The following VIPAS39 variants were observed in gnomAD, a reference collection of about 807,000 sequenced individuals.
VIPAS39 encodes the protein spermatogenesis-defective protein 39 homolog.
A neutral mutation model predicts 84.7 loss-of-function variants in VIPAS39; 63 were observed. The observed-to-expected ratio is 0.74, with a 90% CI of 0.61 to 0.92. The LOEUF is 0.92. Among genes scored for constraint, VIPAS39 ranks in the 40% least tolerant of loss-of-function variants. The pLI is 0.00. For synonymous variants in VIPAS39, 192 were observed against 216.5 expected (o/e 0.89, Z 0.99); for missense variants, 499 against 604.5 (o/e 0.83, Z 1.83).
Position 77,427,338 on chromosome 14 carries a change from C to T in VIPAS39, c.*278G>A. The T allele has an allele frequency of 3.9e-6, 2 of 516,004 alleles. No homozygotes were observed. Among genetic ancestry groups the T allele is most frequent in the Non-Finnish European group, 7.0e-6 (2 of 285,676 alleles). The allele number at this position is 516,004 out of a possible 1,614,324, so 32.0% of individuals were successfully genotyped here. A position where few individuals can be genotyped will look rare whatever the true frequency, so the allele number is the denominator to read the frequency against. On this transcript the variant is annotated 3_prime_UTR_variant, in exon 20 of 20. Coordinates refer to ENST00000557658, the MANE Select transcript of VIPAS39 (RefSeq NM_001193315.2). ...TTTTCTCAGACCAAGTGAGATCTTA[C>T]CCAGTAGGGGCCCAATCTAGAAATC...
At chr14:77,455,528 CA>C (rs1275925756) in intron 1 of VIPAS39, among the ~76,000 whole-genome samples, 3 of 152,110 alleles carry the variant, frequency 2.0e-5, no homozygotes, top group Non-Finnish European at 4.4e-5. Flanking sequence ...CTATCAATGC[CA>C]ACAGGATTAG....
rs1250120222 is a variant in VIPAS39, at chr14:77,437,140, A to G, written c.836+668T>C. On this transcript the variant is annotated intron_variant, in intron 12 of 19. Transcript: ENST00000557658. ...AATCATGTCACATGAGGAATGGTTGAAACAACCATGAGTACTGAACCTGAA... is the reference window on the plus strand; with the variant it reads ...AATCATGTCACATGAGGAATGGTTGGAACAACCATGAGTACTGAACCTGAA... Among the ~76,000 whole-genome samples, 3 of 152,232 alleles carry G rather than the reference A, an allele frequency of 2.0e-5. No individual in the cohort carries two copies. The East Asian group carries it at 5.8e-4, about 29-fold the overall frequency.
Position 77,428,245 on chromosome 14 carries a change from G to A in VIPAS39, c.1461+125C>T, listed in dbSNP as rs1433385511. The A allele has an allele frequency of 6.2e-6, 5 of 808,332 alleles. No homozygotes were observed. The East Asian group carries it at 1.3e-4, about 22-fold the overall frequency. The allele number at this position is 808,332 out of a possible 1,614,324, so 50.1% of individuals were successfully genotyped here. ...TGCTTTTGACATTGTGGCCAGAGGA[G>A]AGCCTTACATCCATGTGGCTTAGCC... On this transcript the variant is annotated intron_variant, in intron 19 of 19. Transcript: ENST00000557658.
At chr14:77,430,312 AAAACAGAAAATTTTT>A (rs2078500933) in intron 16 of VIPAS39, among the ~76,000 whole-genome samples, 2 of 152,224 alleles carry the variant, frequency 1.3e-5, no homozygotes, top group Non-Finnish European at 2.9e-5. Flanking sequence ...ACAAATAGGA[AAAACAGAAAATTTTT>A]AAACCCATAA....
At chr14:77,450,686 T>C (rs932413446) in intron 4 of VIPAS39, among the ~76,000 whole-genome samples, 1 of 152,174 alleles carries the variant, frequency 6.6e-6, no homozygotes, top group African/African-American at 2.4e-5. Context: ...ATTTTTGTAT[T>C]TTTAGTAGAG....
rs753955179 is a variant in VIPAS39 at position 77,433,847 on chromosome 14, T to C, written c.1174A>G (p.Thr392Ala). ...CACAGGGGCAGGGCACACACCTTTGTGGTGAATAGGGCATCTACATCATTC... is the reference window on the plus strand; with the variant it reads ...CACAGGGGCAGGGCACACACCTTTGCGGTGAATAGGGCATCTACATCATTC... ...AWNDVDALFT[T>A]KNWLGYTKKR... Residue 392 changes from threonine to alanine, a missense_variant, in exon 16 of 20, where the codon ACA becomes GCA. By Grantham distance (58) the Thr-to-Ala change is moderately conservative. Transcript: ENST00000557658. 23 of 1,613,874 alleles carry C rather than the reference T, an allele frequency of 1.4e-5. No homozygotes were observed. The highest frequency in any genetic ancestry group is 1.9e-5 in the Non-Finnish European group (22 of 1,179,878).
chr14:77,427,736 T>C, intron 19 of VIPAS39, 100 bp from the exon 20 acceptor site: 1 of 1,494,934 alleles, frequency 6.7e-7, no homozygotes, highest in Non-Finnish European at 9.3e-7. Flanking sequence ...CTAGATAATG[T>C]AAGGAAAAGA....
intron 3 of VIPAS39, 117 bp from the exon 4 acceptor site, chr14:77,451,450 G>A (rs2139881425): frequency 1.4e-6 from 2 of 1,471,812 alleles, no homozygotes; most frequent in East Asian, 2.3e-5. Flanking sequence ...GGCCAACTTG[G>A]GGCAGGGAGA....
At position 77,453,190 on chromosome 14, in the gene VIPAS39, C is replaced by A; in HGVS notation, c.196+109G>T. 6 of 1,135,734 alleles carry A rather than the reference C, an allele frequency of 5.3e-6. No homozygotes were observed. In the South Asian group the frequency reaches 7.4e-5, roughly 14 times the overall value. 70.4% of individuals were successfully genotyped at this position (1,135,734 alleles called of 1,614,324 possible). A position where few individuals can be genotyped will look rare whatever the true frequency, so the allele number is the denominator to read the frequency against. Reference sequence around the variant, plus strand: ...AGATGTATGCTTATCTGAAAATAGTCTTATCCTAGTCCCTCTCCTAACTAG... The same window carrying A: ...AGATGTATGCTTATCTGAAAATAGTATTATCCTAGTCCCTCTCCTAACTAG... On this transcript the variant is annotated intron_variant, in intron 3 of 19. Coordinates refer to ENST00000557658, the MANE Select transcript of VIPAS39 (RefSeq NM_001193315.2).
intron 8 of VIPAS39, among the ~76,000 whole-genome samples, chr14:77,443,377 T>C (rs1434150544): frequency 2.6e-5 from 4 of 152,182 alleles, no homozygotes; most frequent in Non-Finnish European, 4.4e-5. Context: ...TGAAAGAGGA[T>C]ACGCTCACAT....
At position 77,451,330 on chromosome 14, in the gene VIPAS39, A is replaced by G; in HGVS notation, c.200T>C (p.Ile67Thr). The change falls in exon 4 of 20, where the codon ATC (isoleucine) becomes ACC (threonine). Residue 67 changes from isoleucine to threonine, a missense_variant. Transcript: ENST00000557658. ...AGCAGTCTCTCTGATGGACCATGAG[A>G]TACCTGTGAGATAGTAAGAACTACA... Reference protein sequence around the residue: ...VSWSGEPVGSISWSIRETAGN... With the variant: ...VSWSGEPVGSTSWSIRETAGN... The G allele has an allele frequency of 1.2e-6, 2 of 1,614,174 alleles. No homozygotes were observed. Among genetic ancestry groups the G allele is most frequent in the Non-Finnish European group, 8.5e-7 (1 of 1,180,020 alleles).
chr14:77,437,770 G>A (rs2078636902), intron 12 of VIPAS39, 38 bp downstream of exon 12: 5 of 1,592,054 alleles, frequency 3.1e-6, no homozygotes, highest in African/African-American at 1.3e-5. Context: ...TCTGGGTAAA[G>A]GTATTTATAC....
chr14:77,449,423 A>G, intron 5 of VIPAS39, 66 bp from the exon 6 acceptor site: 4 of 1,587,956 alleles, frequency 2.5e-6, no homozygotes, highest in East Asian at 2.2e-5. Context: ...CCTTCCCTCT[A>G]CTTCTTCGTT....
intron 11 of VIPAS39, among the ~76,000 whole-genome samples, chr14:77,438,541 A>C (rs2078652003): frequency 1.3e-5 from 2 of 152,224 alleles, no homozygotes; most frequent in Admixed American, 1.3e-4. Flanking sequence ...AATATGGAAT[A>C]TTTCTATCAT....
At chr14:77,445,310 T>A (rs1046029355) in intron 7 of VIPAS39, among the ~76,000 whole-genome samples, 1 of 152,264 alleles carries the variant, frequency 6.6e-6, no homozygotes, top group Non-Finnish European at 1.5e-5. Flanking sequence ...ATTTTAAGTA[T>A]CTTTTAAAGT....
rs544873362 is a variant in VIPAS39, at chr14:77,453,917, A to C, written c.93+93T>G. On this transcript the variant is annotated intron_variant, in intron 2 of 19. Coordinates refer to ENST00000557658, the MANE Select transcript of VIPAS39 (RefSeq NM_001193315.2). Reference sequence around the variant, plus strand: ...TCTTTTCTGAGCCTAATGAAGACATACATGGTCAAAAGCCTAGTTACCCAG... The same window carrying C: ...TCTTTTCTGAGCCTAATGAAGACATCCATGGTCAAAAGCCTAGTTACCCAG... The C allele has an allele frequency of 2.5e-6, 3 of 1,179,596 alleles. No individual in the cohort carries two copies. In the East Asian group the frequency reaches 7.1e-5, roughly 28 times the overall value. 73.1% of individuals were successfully genotyped at this position (1,179,596 alleles called of 1,614,324 possible). A position where few individuals can be genotyped will look rare whatever the true frequency, so the allele number is the denominator to read the frequency against.
intron 5 of VIPAS39, 75 bp downstream of exon 5, chr14:77,449,639 T>C: frequency 2.5e-6 from 4 of 1,572,888 alleles, no homozygotes; most frequent in Non-Finnish European, 3.5e-6. Context: ...AATTACTACC[T>C]GTCCCCATAA....
chr14:77,454,503 C>T (rs1164445805), intron 1 of VIPAS39, among the ~76,000 whole-genome samples: 1 of 151,924 alleles, frequency 6.6e-6, no homozygotes, highest in African/African-American at 2.4e-5. Flanking sequence ...GGAGAAACCC[C>T]GTCTCTACTA....
rs149565038 is a variant in VIPAS39, at chr14:77,456,840, A to G, written c.-1+655T>C. ...AATGAGAAGCTAGGTTTACTTGGCA[A>G]GTATAGATAATGATCTAGTGGCTCT... On this transcript the variant is annotated intron_variant, in intron 1 of 19. Transcript: ENST00000557658. Among the ~76,000 whole-genome samples the G allele has an allele frequency of 1.4e-3, 214 of 152,340 alleles. 1 individual carries two copies. Among genetic ancestry groups the G allele is most frequent in the African/African-American group, 4.9e-3 (203 of 41,580 alleles).
Sources: gnomAD v4.1 joint callset for allele counts (sites outside exome capture counted in the v4.1 genomes callset) on GRCh38, gnomAD v4.1.1 for gene constraint, MANE v1.5 for transcripts, NCBI Gene and HGNC (gene_info 2026-07-23, HGNC 2026-07-21) for gene names.